The following CXCL12 variants were observed in gnomAD, a reference collection of about 807,000 sequenced individuals.
CXCL12 encodes C-X-C motif chemokine ligand 12.
In CXCL12, 4 loss-of-function variants were observed where a neutral mutation model predicts 10.7. The ratio of observed to expected loss-of-function variants is 0.37; its 90% CI spans 0.18 to 0.86. CXCL12 has a LOEUF of 0.86. Among genes scored for constraint, CXCL12 ranks in the 40% least tolerant of loss-of-function variants. The probability of loss-of-function intolerance (pLI) is 0.43; values close to 1 mark genes in which losing one functional copy is unlikely to be tolerated. For synonymous variants in CXCL12, 54 were observed against 45.4 expected, an observed-to-expected ratio of 1.19 and a Z score of -0.77; for missense variants, 122 against 110.4, an observed-to-expected ratio of 1.10 and a Z score of -0.47.
At chr10:44,374,309 G>A (rs966124628), downstream of CXCL12, 14 of 382,416 alleles carry the variant, frequency 3.7e-5, no homozygotes, top group Non-Finnish European at 5.2e-5. Context: ...TGTGGAGTCC[G>A]AAGAATGCAG....
chr10:44,378,662 C>T lies in CXCL12; in HGVS notation c.241G>A (p.Glu81Lys). ...CIDPKLKWIQ[E>K]YLEKALNK ...TTGTTTAAAGCTTTCTCCAGGTACTCCTGAATCCACTTTAGCTTCGGGTCA... is the reference window on the plus strand; with the variant it reads ...TTGTTTAAAGCTTTCTCCAGGTACTTCTGAATCCACTTTAGCTTCGGGTCA... The change falls in exon 3 of 3, where the codon GAG becomes AAG. Residue 81 changes from glutamate to lysine, a missense_variant. Coordinates refer to ENST00000343575, the MANE Select transcript of CXCL12 (RefSeq NM_199168.4). The T allele has an allele frequency of 6.2e-7, 1 of 1,614,212 alleles. No homozygotes were observed. Among genetic ancestry groups the T allele is most frequent in the Non-Finnish European group, 8.5e-7 (1 of 1,180,050 alleles).
At chr10:44,373,130 A>T, downstream of CXCL12, 6 of 1,533,488 alleles carry the variant, frequency 3.9e-6, no homozygotes, top group Non-Finnish European at 5.3e-6. Context: ...GACACTGAAT[A>T]ATCAAACTAA....
chr10:44,385,025 G>A lies in CXCL12; in HGVS notation c.-20C>T, dbSNP rs1337741443. On this transcript the variant is annotated 5_prime_UTR_variant, in exon 1 of 3. Transcript: ENST00000343575. ...GTTCATGGCGCGGGCGGGCGGGCGGGCGGGCGGACGAGCGCGGGTCGGGGG... is the reference window on the plus strand; with the variant it reads ...GTTCATGGCGCGGGCGGGCGGGCGGACGGGCGGACGAGCGCGGGTCGGGGG... 69 of 418,382 alleles carry A rather than the reference G, an allele frequency of 1.6e-4. No individual in the cohort carries two copies. The highest frequency in any genetic ancestry group is 2.8e-4 in the Non-Finnish European group (62 of 222,742). The allele number at this position is 418,382 out of a possible 1,614,324, so 25.9% of individuals were successfully genotyped here. A position where few individuals can be genotyped will look rare whatever the true frequency, so the allele number is the denominator to read the frequency against.
chr10:44,378,624 C>G lies in CXCL12; in HGVS notation c.*9G>C. 2 of 1,614,104 alleles carry G rather than the reference C, an allele frequency of 1.2e-6. No individual in the cohort carries two copies. Reference sequence around the variant, plus strand: ...GGGTCTAGCGGAAAGTCCTTTTTGGCTGTTGTGCTTACTTGTTTAAAGCTT... The same window carrying G: ...GGGTCTAGCGGAAAGTCCTTTTTGGGTGTTGTGCTTACTTGTTTAAAGCTT... On this transcript the variant is annotated 3_prime_UTR_variant, in exon 3 of 3. Transcript: ENST00000343575.
chr10:44,384,914 T>C, intron 1 of CXCL12, 31 bp downstream of exon 1: 2 of 1,492,038 alleles, frequency 1.3e-6, no homozygotes, highest in South Asian at 2.4e-5. Context: ...GCCCAGAGCC[T>C]CGCCAGGGCC....
downstream of CXCL12, chr10:44,373,382 T>G (rs770976021): frequency 1.3e-6 from 2 of 1,566,894 alleles, no homozygotes; most frequent in Non-Finnish European, 1.7e-6. Flanking sequence ...TTAAGGCAGG[T>G]TCCCCCCACA....
chr10:44,377,576 T>G lies in CXCL12; in HGVS notation c.*1057A>C. On this transcript the variant is annotated 3_prime_UTR_variant, in exon 3 of 3. Coordinates refer to ENST00000343575, the MANE Select transcript of CXCL12 (RefSeq NM_199168.4). ...GGGTAGTGGCAAGATGATGGTTTAT[T>G]CACTGATTTTTTCGCTTCTGATTTC... The G allele has an allele frequency of 3.4e-6, 5 of 1,476,150 alleles. No individual in the cohort carries two copies. The highest frequency in any genetic ancestry group is 4.5e-6 in the Non-Finnish European group (5 of 1,119,356). 91.4% of individuals were successfully genotyped at this position (1,476,150 alleles called of 1,614,324 possible).
In CXCL12 at chr10:44,383,617, G is replaced by GGA; in HGVS notation, c.61+1327_61+1328insTC. 5.9e-5 allele frequency among the ~76,000 whole-genome samples: 8 copies of GGA among 135,540 alleles called. 1 individual carries two copies. Among genetic ancestry groups the GGA allele is most frequent in the Admixed American group, 7.1e-5 (1 of 14,078 alleles). 88.9% of individuals were successfully genotyped at this position (135,540 alleles called of 152,430 possible). On this transcript the variant is annotated intron_variant, in intron 1 of 2. Coordinates refer to ENST00000343575, the MANE Select transcript of CXCL12 (RefSeq NM_199168.4). ...ACATGCCCCATGACTTGCGGGGGGG[G>GGA]GGGGGGGTCAGTGTGCAGACACAGC...
chr10:44,384,975 G>C lies in CXCL12; in HGVS notation c.31C>G (p.Leu11Val). Reference protein sequence around the residue: MNAKVVVVLVLVLTALCLSDG... With the variant: MNAKVVVVLVVVLTALCLSDG... ...CTGAGGCAGAGCGCGGTCAGCACGA[G>C]GACCAGCACGACCACGACCTTGGCG... is the stretch of plus-strand genomic sequence containing the variant. The change falls in exon 1 of 3, where the codon CTC becomes GTC. Residue 11 changes from leucine (L) to valine (V), a missense_variant. Transcript: ENST00000343575. The C allele has an allele frequency of 7.5e-7, 1 of 1,332,110 alleles. No individual in the cohort carries two copies. Among genetic ancestry groups the C allele is most frequent in the Non-Finnish European group, 9.8e-7 (1 of 1,020,502 alleles). The allele number at this position is 1,332,110 out of a possible 1,614,324, so 82.5% of individuals were successfully genotyped here.
downstream of CXCL12, chr10:44,372,181 T>C (rs1442223789): frequency 3.3e-5 from 5 of 152,272 alleles, no homozygotes; most frequent in Non-Finnish European, 7.3e-5. Context: ...AAACAAGTTG[T>C]GAATGCTTGT....
downstream of CXCL12, chr10:44,374,865 A>C: frequency 2.7e-6 from 1 of 367,396 alleles, no homozygotes; most frequent in Non-Finnish European, 5.4e-6. Context: ...TTTTCCGAGC[A>C]CTACTGAAAT....
downstream of CXCL12, chr10:44,375,798 C>A (rs916372573): frequency 8.2e-6 from 12 of 1,467,738 alleles, no homozygotes; most frequent in East Asian, 2.6e-4. Flanking sequence ...GTGTGGCTGG[C>A]AGGGCAGCAA....
At chr10:44,371,259 G>T, downstream of CXCL12, 3 of 327,974 alleles carry the variant, frequency 9.1e-6, no homozygotes, top group Non-Finnish European at 1.8e-5. Flanking sequence ...AGGAGAAATA[G>T]AAATGATTCC....
chr10:44,373,449 C>A, downstream of CXCL12: 3 of 1,005,124 alleles, frequency 3.0e-6, no homozygotes, highest in Non-Finnish European at 4.6e-6. Context: ...CCAATCCCTA[C>A]TTCCAAGTTG....
intron 1 of CXCL12, among the ~76,000 whole-genome samples, chr10:44,383,147 T>A (rs1303012330): frequency 6.6e-6 from 1 of 152,154 alleles, no homozygotes; most frequent in Non-Finnish European, 1.5e-5. Context: ...GCAGGACCCC[T>A]GGCCAAGCTC....
At chr10:44,372,868 C>T, downstream of CXCL12, 5 of 1,531,962 alleles carry the variant, frequency 3.3e-6, no homozygotes, top group Non-Finnish European at 3.5e-6. Flanking sequence ...ACCATCCCAT[C>T]CCACAGAGAG....
Position 44,377,814 on chromosome 10 carries a change from C to T in CXCL12, c.*819G>A. 6.3e-7 allele frequency: 1 copy of T among 1,597,476 alleles called. No individual in the cohort carries two copies. The highest frequency in any genetic ancestry group is 8.5e-7 in the Non-Finnish European group (1 of 1,179,478). Reference sequence around the variant, plus strand: ...GGCCAAAGACGGATCTCACAGAGGGCCCGAGCTGTGGGGCAGGCCCTGGGA... The same window carrying T: ...GGCCAAAGACGGATCTCACAGAGGGTCCGAGCTGTGGGGCAGGCCCTGGGA... On this transcript the variant is annotated 3_prime_UTR_variant, in exon 3 of 3. Transcript: ENST00000343575.
downstream of CXCL12, chr10:44,373,389 C>G (rs371041436): frequency 2.6e-6 from 4 of 1,537,438 alleles, no homozygotes; most frequent in East Asian, 2.3e-5. Context: ...AGGTTCCCCC[C>G]ACACCCAGCC....
chr10:44,382,927 G>T (rs1399115168), intron 1 of CXCL12, among the ~76,000 whole-genome samples: 1 of 152,188 alleles, frequency 6.6e-6, no homozygotes, highest in Non-Finnish European at 1.5e-5. Flanking sequence ...CCGTGTACCG[G>T]CAAGAGTCCT....
Sources: gnomAD v4.1 joint callset for allele counts (sites outside exome capture counted in the v4.1 genomes callset) on GRCh38, gnomAD v4.1.1 for gene constraint, MANE v1.5 for transcripts, NCBI Gene and HGNC (gene_info 2026-07-23, HGNC 2026-07-21) for gene names.